ALK: variants seen among roughly 807,000 people sequenced by gnomAD.
The protein encoded by ALK is ALK tyrosine kinase receptor.
ALK carries 74 observed loss-of-function variants against 163.1 expected under a neutral mutation model. The observed-to-expected ratio is 0.45, with a 90% CI of 0.38 to 0.55. The LOEUF (loss-of-function observed/expected upper bound fraction) is 0.55, where lower values mean the gene tolerates loss of function less well. ALK is among the 20% of genes least tolerant of loss of function. ALK has a pLI of 0.00. For missense variants in ALK, 2,063 were observed against 2,105.3 expected, an observed-to-expected ratio of 0.98 and a Z score of 0.39; for synonymous variants, 960 against 843.2, an observed-to-expected ratio of 1.14 and a Z score of -2.40.
chr2:29,300,664 C>G (rs1472886538), intron 8 of ALK, among the ~76,000 whole-genome samples: 2 of 152,008 alleles, frequency 1.3e-5, no homozygotes, highest in African/African-American at 4.8e-5. Flanking sequence ...CCCAAAAGCC[C>G]CTGTGTGAGA....
intron 4 of ALK, among the ~76,000 whole-genome samples, chr2:29,478,395 A>C (rs1671579022): frequency 6.6e-6 from 1 of 152,252 alleles, no homozygotes; most frequent in African/African-American, 2.4e-5. Context: ...CATGAGCCAC[A>C]CAAGCCCCTT....
At chr2:29,521,578 A>C (rs750323501) in intron 4 of ALK, among the ~76,000 whole-genome samples, 1 of 152,232 alleles carries the variant, frequency 6.6e-6, no homozygotes, top group Non-Finnish European at 1.5e-5. Context: ...TTAGCCAGGC[A>C]TATGTGTGTC....
At chr2:29,703,446 G>T (rs1678807803) in intron 2 of ALK, among the ~76,000 whole-genome samples, 1 of 152,188 alleles carries the variant, frequency 6.6e-6, no homozygotes, top group South Asian at 2.1e-4. Flanking sequence ...CCATTTGTCA[G>T]CTCTGTGATA....
intron 3 of ALK, among the ~76,000 whole-genome samples, chr2:29,575,888 G>A (rs1674512606): frequency 6.6e-6 from 1 of 152,144 alleles, no homozygotes; most frequent in South Asian, 2.1e-4. Flanking sequence ...TTTGCAGCAG[G>A]GGTGTGGCTG....
intron 3 of ALK, among the ~76,000 whole-genome samples, chr2:29,607,247 G>A (rs1265246701): frequency 2.6e-5 from 4 of 152,108 alleles, no homozygotes. Context: ...CTCCTTGACG[G>A]GCGTGGTAAT....
chr2:29,262,070 T>C (rs778185514), intron 11 of ALK, among the ~76,000 whole-genome samples: 1 of 152,208 alleles, frequency 6.6e-6, no homozygotes, highest in African/African-American at 2.4e-5. Context: ...TTATGGTACA[T>C]TTCTCCTCCA....
intron 19 of ALK, chr2:29,224,829 T>C (rs2148174642): frequency 4.6e-6 from 1 of 215,572 alleles, no homozygotes. Context: ...GCAGATCCCT[T>C]TGCCTGCAGG....
At chr2:29,426,310 C>A (rs1391763785) in intron 4 of ALK, among the ~76,000 whole-genome samples, 1 of 152,158 alleles carries the variant, frequency 6.6e-6, no homozygotes, top group East Asian at 1.9e-4. Context: ...GTCAGGAATT[C>A]AACATGTCTT....
chr2:29,555,268 C>A (rs550695349), intron 3 of ALK, among the ~76,000 whole-genome samples: 24 of 152,074 alleles, frequency 1.6e-4, no homozygotes, highest in Non-Finnish European at 2.1e-4. Flanking sequence ...CCCACAATTT[C>A]CTAATGTCCC....
chr2:29,257,659 C>T (rs1001878913), intron 11 of ALK, among the ~76,000 whole-genome samples: 11 of 152,128 alleles, frequency 7.2e-5, no homozygotes, highest in African/African-American at 2.4e-4. Context: ...CACGGAAGAG[C>T]GCTCAATGCT....
In ALK at chr2:29,591,993, G is replaced by C. The variant is rs541461681; in HGVS notation, c.953-59877C>G. Among the ~76,000 whole-genome samples the C allele has an allele frequency of 6.2e-4, 94 of 151,806 alleles. 1 individual carries two copies. The highest frequency in any genetic ancestry group is 1.1e-3 in the Non-Finnish European group (72 of 67,986). On this transcript the variant is annotated intron_variant, in intron 3 of 28. Coordinates refer to ENST00000389048, the MANE Select transcript of ALK (RefSeq NM_004304.5). Reference sequence around the variant, plus strand: ...AATCTTAAGATCACTCTCTATCTCAGGTACAAAGTCAAGGCTACCCACATT... The same window carrying C: ...AATCTTAAGATCACTCTCTATCTCACGTACAAAGTCAAGGCTACCCACATT...
At chr2:29,482,976 C>T (rs1403286367) in intron 4 of ALK, among the ~76,000 whole-genome samples, 1 of 152,170 alleles carries the variant, frequency 6.6e-6, no homozygotes, top group African/African-American at 2.4e-5. Flanking sequence ...TGCTTTTCTT[C>T]TACTAGGCTA....
Position 29,920,859 on chromosome 2 carries a change from T to G in ALK, c.-200A>C. 1.7e-6 allele frequency: 1 copy of G among 597,588 alleles called. No homozygotes were observed. The highest frequency in any genetic ancestry group is 3.0e-6 in the Non-Finnish European group (1 of 338,180). The allele number at this position is 597,588 out of a possible 1,614,324, so 37.0% of individuals were successfully genotyped here. On this transcript the variant is annotated 5_prime_UTR_variant, in exon 1 of 29. Transcript: ENST00000389048. ...AGCAGGAGTCTAAATGAAACAGACC[T>G]GGAAGCTCAGGGGCGAGTCCAGAGA...
At chr2:29,305,885 C>T (rs1399921421) in intron 8 of ALK, among the ~76,000 whole-genome samples, 1 of 152,064 alleles carries the variant, frequency 6.6e-6, no homozygotes, top group Non-Finnish European at 1.5e-5. Flanking sequence ...ATACAACTCA[C>T]CATAATGTCA....
chr2:29,504,775 G>A (rs1672271579), intron 4 of ALK, among the ~76,000 whole-genome samples: 2 of 152,324 alleles, frequency 1.3e-5, no homozygotes, highest in Middle Eastern at 3.4e-3. Context: ...CTGATGCTAA[G>A]CAGAAGAATA....
intron 3 of ALK, among the ~76,000 whole-genome samples, chr2:29,636,755 A>C (rs572644588): frequency 9.8e-4 from 150 of 152,340 alleles, no homozygotes; most frequent in African/African-American, 3.5e-3. Context: ...AACAATTAAA[A>C]ATATTCAAAT....
chr2:29,331,880 T>G (rs1667449069), intron 5 of ALK, among the ~76,000 whole-genome samples: 1 of 152,206 alleles, frequency 6.6e-6, no homozygotes, highest in African/African-American at 2.4e-5. Context: ...TCACATTTGC[T>G]TGGTGATTTT....
intron 3 of ALK, among the ~76,000 whole-genome samples, chr2:29,653,093 T>C (rs534917929): frequency 1.3e-5 from 2 of 152,138 alleles, no homozygotes; most frequent in South Asian, 4.2e-4. Flanking sequence ...TGTCTCCAGG[T>C]AGATAGTGTC....
At chr2:29,895,517 T>C (rs1187774788) in intron 1 of ALK, among the ~76,000 whole-genome samples, 1 of 152,192 alleles carries the variant, frequency 6.6e-6, no homozygotes, top group East Asian at 1.9e-4. Context: ...AGCCTGGCTA[T>C]ACTATGGTCC....
Sources: gnomAD v4.1 joint callset for allele counts (sites outside exome capture counted in the v4.1 genomes callset) on GRCh38, gnomAD v4.1.1 for gene constraint, MANE v1.5 for transcripts, NCBI Gene and HGNC (gene_info 2026-07-23, HGNC 2026-07-21) for gene names.